The following SOX6 variants were observed in gnomAD, a reference collection of about 807,000 sequenced individuals.
SOX6 encodes transcription factor SOX-6.
In SOX6, 11 loss-of-function variants were observed where a neutral mutation model predicts 97.8. The ratio of observed to expected loss-of-function variants is 0.11; its 90% CI spans 0.07 to 0.19. The LOEUF (loss-of-function observed/expected upper bound fraction) is 0.19, where lower values mean the gene tolerates loss of function less well. SOX6 is among the 10% of genes least tolerant of loss of function. The pLI is 1.00. For missense variants in SOX6, 810 were observed against 1,039.5 expected (o/e 0.78, Z 3.04); for synonymous variants, 360 against 371.4 (o/e 0.97, Z 0.35).
chr11:16,197,948 T>G (rs949327192), intron 4 of SOX6, among the ~76,000 whole-genome samples: 2 of 152,208 alleles, frequency 1.3e-5, no homozygotes, highest in Non-Finnish European at 1.5e-5. Context: ...AAAAAATAAT[T>G]TGTCACAAAT....
chr11:16,093,612 T>A (rs1298303148), intron 9 of SOX6, among the ~76,000 whole-genome samples: 1 of 150,928 alleles, frequency 6.6e-6, no homozygotes, highest in African/African-American at 2.4e-5. Context: ...GGTGGGGGAG[T>A]ATATGTGTTA....
At chr11:16,679,294 G>A (rs1293073554) in intron 3 of SOX6, among the ~76,000 whole-genome samples, 2 of 152,164 alleles carry the variant, frequency 1.3e-5, no homozygotes, top group East Asian at 3.9e-4. Context: ...TTGCTGTTAT[G>A]GAGCCTCTGC....
chr11:16,158,575 G>T (rs1267896789), intron 6 of SOX6, among the ~76,000 whole-genome samples: 1 of 152,010 alleles, frequency 6.6e-6, no homozygotes, highest in East Asian at 1.9e-4. Context: ...ACATGAATAT[G>T]TGTGGAGAGG....
At chr11:16,670,195 A>G (rs1847837278) in intron 3 of SOX6, among the ~76,000 whole-genome samples, 1 of 152,098 alleles carries the variant, frequency 6.6e-6, no homozygotes, top group Admixed American at 6.5e-5. Context: ...TGCCACTGAC[A>G]CAGTAACAGT....
At chr11:16,677,760 G>A (rs545088201) in intron 3 of SOX6, among the ~76,000 whole-genome samples, 5 of 152,134 alleles carry the variant, frequency 3.3e-5, no homozygotes, top group Admixed American at 6.6e-5. Flanking sequence ...TTCTGGAAGA[G>A]TTTCTGTCTG....
At position 16,221,983 on chromosome 11, in the gene SOX6, G is replaced by C. The variant is rs1852551117; in HGVS notation, c.535+12599C>G. ...TAAGAAACTGCCACTTGCCAAATTTGGTGAAGTATCAAAGAAGAATATTCA... is the reference window on the plus strand; with the variant it reads ...TAAGAAACTGCCACTTGCCAAATTTCGTGAAGTATCAAAGAAGAATATTCA... On this transcript the variant is annotated intron_variant, in intron 4 of 15. Transcript: ENST00000683767. Among the ~76,000 whole-genome samples, 3 of 152,140 alleles carry C rather than the reference G, an allele frequency of 2.0e-5. No individual in the cohort carries two copies. The South Asian group carries it at 6.2e-4, about 32-fold the overall frequency.
At chr11:16,618,544 G>A (rs1848499670) in intron 3 of SOX6, among the ~76,000 whole-genome samples, 1 of 151,660 alleles carries the variant, frequency 6.6e-6, no homozygotes, top group African/African-American at 2.4e-5. Flanking sequence ...CTCCTTGATA[G>A]GATTAGGAGG....
At chr11:16,657,989 T>G (rs988458535) in intron 3 of SOX6, among the ~76,000 whole-genome samples, 1 of 152,254 alleles carries the variant, frequency 6.6e-6, no homozygotes, top group Non-Finnish European at 1.5e-5. Context: ...CCTGATGGAT[T>G]GTTTCCAGTT....
At chr11:16,214,218 G>A (rs1852305028) in intron 4 of SOX6, among the ~76,000 whole-genome samples, 1 of 152,156 alleles carries the variant, frequency 6.6e-6, no homozygotes, top group Non-Finnish European at 1.5e-5. Flanking sequence ...GTTTAGAATA[G>A]TCTAGAAAAT....
intron 3 of SOX6, among the ~76,000 whole-genome samples, chr11:16,703,262 G>T (rs781573058): frequency 6.6e-6 from 1 of 152,052 alleles, no homozygotes; most frequent in Non-Finnish European, 1.5e-5. Flanking sequence ...GATGCTAAAT[G>T]ATCAAATTAC....
intron 1 of SOX6, among the ~76,000 whole-genome samples, chr11:16,423,301 A>C (rs1031978428): frequency 1.3e-5 from 2 of 152,120 alleles, no homozygotes; most frequent in African/African-American, 2.4e-5. Flanking sequence ...TGTCTCTTCA[A>C]ATCTTTCTGT....
At chr11:16,283,061 G>GTA (rs1854615082) in intron 3 of SOX6, among the ~76,000 whole-genome samples, 2 of 113,564 alleles carry the variant, frequency 1.8e-5, no homozygotes, top group Admixed American at 9.9e-5. Context: ...TATATAATTT[G>GTA]TATATATATG....
intron 2 of SOX6, among the ~76,000 whole-genome samples, chr11:16,727,043 T>A (rs567180950): frequency 6.6e-6 from 1 of 152,312 alleles, no homozygotes; most frequent in South Asian, 2.1e-4. Flanking sequence ...TACAGTTAAA[T>A]TTTTAGTTAA....
chr11:16,409,483 A>G (rs570454663), intron 1 of SOX6, among the ~76,000 whole-genome samples: 3 of 152,322 alleles, frequency 2.0e-5, no homozygotes, highest in African/African-American at 7.2e-5. Flanking sequence ...AATGCATTTT[A>G]TAAGGCTAGA....
intron 11 of SOX6, among the ~76,000 whole-genome samples, chr11:16,048,227 C>G (rs1463623696): frequency 6.6e-6 from 1 of 152,098 alleles, no homozygotes; most frequent in Non-Finnish European, 1.5e-5. Flanking sequence ...AAAATCCGGC[C>G]AAGGGGCATT....
intron 3 of SOX6, among the ~76,000 whole-genome samples, chr11:16,666,298 A>T (rs1476192709): frequency 1.3e-5 from 2 of 152,228 alleles, no homozygotes; most frequent in African/African-American, 2.4e-5. Flanking sequence ...TAGCTGTTTG[A>T]GGAAACTCAA....
chr11:16,127,254 T>C (rs1001646462), intron 6 of SOX6, among the ~76,000 whole-genome samples: 1 of 152,050 alleles, frequency 6.6e-6, no homozygotes, highest in South Asian at 2.1e-4. Flanking sequence ...CAAGTGATCA[T>C]GAATTACTTG....
chr11:16,124,984 G>A (rs990550206), intron 6 of SOX6, among the ~76,000 whole-genome samples: 1 of 151,934 alleles, frequency 6.6e-6, no homozygotes, highest in African/African-American at 2.4e-5. Context: ...TATCCTCTCC[G>A]CTCAAGTAGA....
rs923122711 is a variant in SOX6 at position 16,567,920 on chromosome 11, A to G, written n.609+44161T>C. ...GTTAAGAACTTATGTGTGAATAAGT[A>G]TAAGAAAATGATTGCTTAATGATAC... On this transcript the variant is annotated intron_variant and non_coding_transcript_variant, in intron 4 of 5. Transcript: ENST00000524520. Among the ~76,000 whole-genome samples the G allele has an allele frequency of 5.3e-5, 8 of 151,372 alleles. No homozygotes were observed. The South Asian group carries it at 1.0e-3, about 20-fold the overall frequency.
Sources: gnomAD v4.1 joint callset for allele counts (sites outside exome capture counted in the v4.1 genomes callset) on GRCh38, gnomAD v4.1.1 for gene constraint, MANE v1.5 for transcripts, NCBI Gene and HGNC (gene_info 2026-07-23, HGNC 2026-07-21) for gene names.